The following NRXN2 variants were observed in gnomAD, a reference collection of about 807,000 sequenced individuals.
NRXN2 encodes neurexin-2-beta.
Under a neutral mutation model 128.8 loss-of-function variants are expected in NRXN2, and 29 were observed. That is an observed-to-expected ratio of 0.23 (90% CI 0.17 to 0.31). The LOEUF is 0.31. Among genes scored for constraint, NRXN2 ranks in the 10% least tolerant of loss-of-function variants. The pLI is 1.00. For synonymous variants in NRXN2, 1,098 were observed against 1,075.2 expected, an observed-to-expected ratio of 1.02 and a Z score of -0.41; for missense variants, 1,881 against 2,452.6, an observed-to-expected ratio of 0.77 and a Z score of 4.92.
rs772711541 is a variant in NRXN2, at chr11:64,622,801, G to A, written c.4125C>T (p.Thr1375=). 1.9e-6 allele frequency: 3 copies of A among 1,612,646 alleles called. No homozygotes were observed. The highest frequency in any genetic ancestry group is 2.5e-6 in the Non-Finnish European group (3 of 1,179,974). ...TGGGGGAGCGGCCCCGGCGCGTGGT[G>A]GTAGTGGCCATGGTGGTGGTAGTCT... ...IMETTTTMAT[T]TTRRGRSPTL... is the part of the protein sequence containing the mutation. The change falls in exon 21 of 23, where the codon ACC becomes ACT. Residue 1375 remains threonine, a synonymous_variant. Coordinates refer to ENST00000265459, the MANE Select transcript of NRXN2 (RefSeq NM_015080.4). This position sits in a 1 kb window ranked among gnomAD's most constrained non-coding sequence, Gnocchi z 4.3.
chr11:64,651,001 A>G lies in NRXN2; in HGVS notation c.2918+254T>C, dbSNP rs1427968736. On this transcript the variant is annotated intron_variant, in intron 14 of 22. Coordinates refer to ENST00000265459, the MANE Select transcript of NRXN2 (RefSeq NM_015080.4). The surrounding 1 kb of genome is among the most constrained non-coding windows in gnomAD (Gnocchi z 5.9). ...CAAGACTGACTTCTGCCTGTAGAGA[A>G]GGTGACAGTGGACAGAGAACAGATA... 6.6e-6 allele frequency among the ~76,000 whole-genome samples: 1 copy of G among 152,172 alleles called. No individual in the cohort carries two copies. The highest frequency in any genetic ancestry group is 1.5e-5 in the Non-Finnish European group (1 of 68,034).
Position 64,623,176 on chromosome 11 carries a change from G to A in NRXN2, c.3848-98C>T, listed in dbSNP as rs952685289. The A allele has an allele frequency of 1.4e-6, 2 of 1,474,444 alleles. No individual in the cohort carries two copies. The highest frequency in any genetic ancestry group is 1.4e-5 in the African/African-American group (1 of 71,198). The allele number at this position is 1,474,444 out of a possible 1,614,324, so 91.3% of individuals were successfully genotyped here. A position where few individuals can be genotyped will look rare whatever the true frequency, so the allele number is the denominator to read the frequency against. ...GAAGGAAGCCAAGGAGAGGAAAGAG[G>A]AATGGAGGAGAAAGCCAGTAAGGGA... On this transcript the variant is annotated intron_variant, in intron 20 of 22. Coordinates refer to ENST00000265459, the MANE Select transcript of NRXN2 (RefSeq NM_015080.4). This position sits in a 1 kb window ranked among gnomAD's most constrained non-coding sequence, Gnocchi z 4.9.
At chr11:64,682,355 A>G (rs2052431092) in intron 6 of NRXN2, among the ~76,000 whole-genome samples, 1 of 143,292 alleles carries the variant, frequency 7.0e-6, no homozygotes, top group African/African-American at 2.7e-5. Context: ...TCCTTGGCAG[A>G]CTCTATTCTT....
intron 9 of NRXN2, among the ~76,000 whole-genome samples, chr11:64,663,975 G>A (rs1214229972): frequency 6.6e-6 from 1 of 152,202 alleles, no homozygotes; most frequent in Non-Finnish European, 1.5e-5. Flanking sequence ...CCACTTAACG[G>A]AGGTACCGAG....
Position 64,714,863 on chromosome 11 carries a change from C to T in NRXN2, c.-244-920G>A, listed in dbSNP as rs946413184. On this transcript the variant is annotated intron_variant, in intron 1 of 22. Coordinates refer to ENST00000265459, the MANE Select transcript of NRXN2 (RefSeq NM_015080.4). The surrounding 1 kb of genome is among the most constrained non-coding windows in gnomAD (Gnocchi z 4.5). ...TCAGAGAGCAATTTATACCCCACGC[C>T]GGGGAGGGGAATTTGCATCTCGTTA... Among the ~76,000 whole-genome samples the T allele has an allele frequency of 7.9e-5, 12 of 152,064 alleles. No individual in the cohort carries two copies. Among genetic ancestry groups the T allele is most frequent in the Admixed American group, 5.2e-4 (8 of 15,258 alleles).
intron 18 of NRXN2, among the ~76,000 whole-genome samples, chr11:64,633,545 A>G (rs754552370): frequency 1.3e-5 from 2 of 152,200 alleles, no homozygotes; most frequent in Non-Finnish European, 2.9e-5. Flanking sequence ...GAGGGAGAAG[A>G]GAGAGAAGGA....
At chr11:64,676,303 G>A (rs986794654) in intron 7 of NRXN2, 1 of 153,042 alleles carries the variant, frequency 6.5e-6, no homozygotes, top group African/African-American at 2.4e-5. Flanking sequence ...AAGTGAGGGA[G>A]GGGATGGCAC....
chr11:64,620,022 C>T (rs1367818650), intron 22 of NRXN2, among the ~76,000 whole-genome samples: 5 of 152,166 alleles, frequency 3.3e-5, no homozygotes, highest in South Asian at 2.1e-4. Context: ...CCTAGGGAAA[C>T]GCCTCCCTCC....
intron 1 of NRXN2, among the ~76,000 whole-genome samples, chr11:64,717,472 C>G (rs1446457908): frequency 2.0e-5 from 3 of 152,210 alleles, no homozygotes; most frequent in Non-Finnish European, 4.4e-5. Context: ...CAGCCTTGGG[C>G]CAGTGGTGCC....
chr11:64,690,510 G>C, intron 4 of NRXN2, 34 bp from the exon 5 acceptor site: 1 of 1,584,122 alleles, frequency 6.3e-7, no homozygotes, highest in Non-Finnish European at 8.6e-7. Flanking sequence ...CAGGCACAGG[G>C]GGTACCGAGC....
At chr11:64,689,306 G>C (rs2053515384) in intron 5 of NRXN2, among the ~76,000 whole-genome samples, 1 of 151,548 alleles carries the variant, frequency 6.6e-6, no homozygotes, top group African/African-American at 2.4e-5. Context: ...CTGGCCTCAA[G>C]TGATCCTCCC....
chr11:64,698,814 G>C (rs2054888660), intron 2 of NRXN2, among the ~76,000 whole-genome samples: 1 of 152,322 alleles, frequency 6.6e-6, no homozygotes, highest in African/African-American at 2.4e-5. Context: ...CAAGCAGGTT[G>C]GGCTCTGATC....
intron 17 of NRXN2, chr11:64,642,584 G>T: frequency 6.2e-7 from 1 of 1,610,796 alleles, no homozygotes. Context: ...ATGGCGATGG[G>T]CACGGTGCCG....
intron 2 of NRXN2, among the ~76,000 whole-genome samples, chr11:64,703,190 G>A (rs2055749549): frequency 6.6e-6 from 1 of 152,058 alleles, no homozygotes. Flanking sequence ...CAAAAGTGAG[G>A]ACAATGCCTC....
At chr11:64,664,573 G>C (rs1282426992) in intron 9 of NRXN2, among the ~76,000 whole-genome samples, 1 of 151,746 alleles carries the variant, frequency 6.6e-6, no homozygotes, top group African/African-American at 2.4e-5. Flanking sequence ...GGAAAGGGTA[G>C]TAAATTTTAT....
intron 2 of NRXN2, among the ~76,000 whole-genome samples, chr11:64,704,956 GGTTA>G (rs543570867): frequency 2.8e-3 from 432 of 152,306 alleles, no homozygotes; most frequent in Non-Finnish European, 4.1e-3. Flanking sequence ...GTTAAATGTG[GGTTA>G]GTTGTGTGTT....
rs185123889 is a variant in NRXN2 at position 64,608,764 on chromosome 11, T to C, written c.4253-682A>G. Among the ~76,000 whole-genome samples the C allele has an allele frequency of 7.2e-4, 110 of 152,294 alleles. 1 individual carries two copies. The highest frequency in any genetic ancestry group is 2.6e-3 in the African/African-American group (108 of 41,560). ...CCTGAACTCTCTCTCCGCCCTCACT[T>C]GTCCCTCTCCCCCTCATTCAACACA... On this transcript the variant is annotated intron_variant, in intron 22 of 22. Transcript: ENST00000265459.
At chr11:64,642,783 C>T in intron 17 of NRXN2, 2 of 1,162,486 alleles carry the variant, frequency 1.7e-6, no homozygotes, top group African/African-American at 3.3e-5. Flanking sequence ...ACCCCCCCGG[C>T]CCGCTCCCCC....
rs900024879 is a variant in NRXN2, at chr11:64,690,494, G to A, written c.779-18C>T. 3 of 1,609,790 alleles carry A rather than the reference G, an allele frequency of 1.9e-6. No individual in the cohort carries two copies. In the African/African-American group the frequency reaches 4.0e-5, roughly 22 times the overall value. ...GGACCCTACTGGAGAAGCAGAATTG[G>A]GGAGTCAGGCACAGGGGGTACCGAG... On this transcript the variant is annotated intron_variant, in intron 4 of 22. Transcript: ENST00000265459.
Sources: gnomAD v4.1 joint callset for allele counts (sites outside exome capture counted in the v4.1 genomes callset) on GRCh38, gnomAD v4.1.1 for gene constraint, Gnocchi (gnomAD v3.1) non-coding constraint, MANE v1.5 for transcripts, NCBI Gene and HGNC (gene_info 2026-07-23, HGNC 2026-07-21) for gene names.